The following ARIH2 variants were observed in gnomAD, a reference collection of about 807,000 sequenced individuals.
ARIH2 encodes E3 ubiquitin-protein ligase ARIH2.
A neutral mutation model predicts 79.8 loss-of-function variants in ARIH2; 12 were observed. The ratio of observed to expected loss-of-function variants is 0.15; its 90% CI spans 0.10 to 0.24. The LOEUF (loss-of-function observed/expected upper bound fraction) is 0.24. Among genes scored for constraint, ARIH2 ranks in the 10% least tolerant of loss-of-function variants. The pLI is 1.00. For missense variants in ARIH2, 301 were observed against 618.3 expected, an observed-to-expected ratio of 0.49 and a Z score of 5.44; for synonymous variants, 224 against 213.9, an observed-to-expected ratio of 1.05 and a Z score of -0.41.
intron 14 of ARIH2, among the ~76,000 whole-genome samples, chr3:48,982,459 C>T (rs2092784743): frequency 6.6e-6 from 1 of 152,100 alleles, no homozygotes; most frequent in Non-Finnish European, 1.5e-5. Context: ...GTGCATAAAG[C>T]TGTATATCTT....
chr3:48,933,331 G>A (rs894791355), intron 3 of ARIH2, among the ~76,000 whole-genome samples: 5 of 151,566 alleles, frequency 3.3e-5, no homozygotes, highest in African/African-American at 1.2e-4. Flanking sequence ...GTGTGTGTGT[G>A]TGTGTGTTTT....
Position 48,961,662 on chromosome 3 carries a change from T to A in ARIH2, c.306T>A (p.Val102=). Residue 102 remains valine, a synonymous_variant, in exon 4 of 16, where the codon GTT becomes GTA. Transcript: ENST00000356401. ...TATTAGTTAATTTCCACTGGCAAGTTTCAGAGATATTGGACAGGTAAGGTA... is the reference window on the plus strand; with the variant it reads ...TATTAGTTAATTTCCACTGGCAAGTATCAGAGATATTGGACAGGTAAGGTA... The part of the protein sequence containing the change: ...KLILVNFHWQ[V]SEILDRYKSN... 6.2e-7 allele frequency: 1 copy of A among 1,608,698 alleles called. No individual in the cohort carries two copies. The highest frequency in any genetic ancestry group is 8.5e-7 in the Non-Finnish European group (1 of 1,175,056).
chr3:48,925,153 G>T (rs896955631), intron 2 of ARIH2: 2 of 146,150 alleles, frequency 1.4e-5, no homozygotes, highest in African/African-American at 2.5e-5. Flanking sequence ...TCGCTCTGTC[G>T]CCCAGCCTGG....
At chr3:48,950,679 A>G (rs2107384113) in intron 3 of ARIH2, among the ~76,000 whole-genome samples, 1 of 152,332 alleles carries the variant, frequency 6.6e-6, no homozygotes, top group East Asian at 1.9e-4. Context: ...CATTTGAAAT[A>G]CAGTCAGTTT....
chr3:48,949,662 T>C (rs1315488733), intron 3 of ARIH2, among the ~76,000 whole-genome samples: 1 of 152,214 alleles, frequency 6.6e-6, no homozygotes, highest in South Asian at 2.1e-4. Flanking sequence ...CATACATTTA[T>C]TTTTTGTGGT....
intron 3 of ARIH2, among the ~76,000 whole-genome samples, chr3:48,933,995 C>G (rs1000169002): frequency 2.0e-5 from 3 of 152,182 alleles, no homozygotes; most frequent in Non-Finnish European, 2.9e-5. Flanking sequence ...CTAGAACACT[C>G]TATTCTGCCA....
rs537558236 is a variant in ARIH2, at chr3:48,945,684, GA to G, written c.256-15926del. ...CAATGACTAATTTAAACTTCTGATA[GA>G]AGACTTGCTTGAATGCGGTGGAGGG... On this transcript the variant is annotated intron_variant, in intron 3 of 15. Transcript: ENST00000356401. Among the ~76,000 whole-genome samples the G allele has an allele frequency of 2.8e-3, 433 of 152,262 alleles. 4 individuals carry two copies. The highest frequency in any genetic ancestry group is 9.9e-3 in the African/African-American group (411 of 41,544).
intron 3 of ARIH2, among the ~76,000 whole-genome samples, chr3:48,930,226 G>A (rs368178088): frequency 6.6e-6 from 1 of 152,206 alleles, no homozygotes; most frequent in East Asian, 1.9e-4. Context: ...GCTTGCTTAA[G>A]AGTAAAGGAG....
intron 3 of ARIH2, among the ~76,000 whole-genome samples, chr3:48,946,991 G>A (rs754464890): frequency 2.2e-4 from 33 of 152,172 alleles, no homozygotes; most frequent in Admixed American, 4.6e-4. Flanking sequence ...TCATACTAAG[G>A]GGCAGGCACA....
chr3:48,962,534 ACCT>A (rs954067173), intron 4 of ARIH2, among the ~76,000 whole-genome samples: 12 of 152,100 alleles, frequency 7.9e-5, no homozygotes, highest in East Asian at 1.9e-4. Context: ...GAAAAGGGGC[ACCT>A]CCTCCTCTGC....
chr3:48,958,942 G>A (rs1460159551), intron 3 of ARIH2, among the ~76,000 whole-genome samples: 1 of 151,652 alleles, frequency 6.6e-6, no homozygotes, highest in Non-Finnish European at 1.5e-5. Context: ...TTGAGCCCAG[G>A]AAGTGCAGAT....
At chr3:48,937,985 T>G (rs1397176664) in intron 3 of ARIH2, among the ~76,000 whole-genome samples, 1 of 146,006 alleles carries the variant, frequency 6.8e-6, no homozygotes, top group Non-Finnish European at 1.5e-5. Flanking sequence ...AGGCGGAGCT[T>G]GCAGTGAGCC....
At chr3:48,923,202 G>A (rs376163131) in intron 2 of ARIH2, among the ~76,000 whole-genome samples, 37 of 150,556 alleles carry the variant, frequency 2.5e-4, no homozygotes, top group Middle Eastern at 3.4e-3. Flanking sequence ...GCGAGACTCC[G>A]TCTCAAAAAA....
intron 11 of ARIH2, among the ~76,000 whole-genome samples, chr3:48,978,475 A>G (rs1235859777): frequency 1.5e-5 from 1 of 68,164 alleles, no homozygotes; most frequent in Non-Finnish European, 2.9e-5. Context: ...GTATATATAT[A>G]TATATATATT....
chr3:48,967,565 A>T lies in ARIH2; in HGVS notation c.538+290A>T, dbSNP rs182259594. Among the ~76,000 whole-genome samples the T allele has an allele frequency of 5.1e-4, 78 of 152,320 alleles. 2 individuals carry two copies. The highest frequency in any genetic ancestry group is 1.8e-3 in the African/African-American group (74 of 41,580). ...TTTAAGCTGCCTACCTTGATTCCAC[A>T]AGTGGCAGCCATAACTCAGAAATGC... On this transcript the variant is annotated intron_variant, in intron 6 of 15. Coordinates refer to ENST00000356401, the MANE Select transcript of ARIH2 (RefSeq NM_006321.4).
chr3:48,971,143 A>G (rs1366291562), intron 8 of ARIH2, among the ~76,000 whole-genome samples: 1 of 152,248 alleles, frequency 6.6e-6, no homozygotes, highest in African/African-American at 2.4e-5. Context: ...AGTAGATACC[A>G]TGGGAATAAC....
intron 8 of ARIH2, 27 bp from the exon 9 acceptor site, chr3:48,973,672 T>C: frequency 7.7e-6 from 12 of 1,557,936 alleles, no homozygotes; most frequent in Non-Finnish European, 1.1e-5. Context: ...AATGAATATT[T>C]GAATGTTTTT....
intron 3 of ARIH2, among the ~76,000 whole-genome samples, chr3:48,937,146 G>A (rs539211656): frequency 1.1e-3 from 168 of 152,368 alleles, no homozygotes; most frequent in Middle Eastern, 3.4e-3. Context: ...AAACAGAGCT[G>A]TTCTTATAAT....
Position 48,923,662 on chromosome 3 carries a change from C to T in ARIH2, c.-98+851C>T, listed in dbSNP as rs1296940710. On this transcript the variant is annotated intron_variant, in intron 2 of 15. Coordinates refer to ENST00000356401, the MANE Select transcript of ARIH2 (RefSeq NM_006321.4). ...TCAACCTCCTGAGTAGCTGGGATTA[C>T]AGGCATGTGCCACCACGCCCAGCTA... Among the ~76,000 whole-genome samples, 3 of 151,990 alleles carry T rather than the reference C, an allele frequency of 2.0e-5. No individual in the cohort carries two copies. In the East Asian group the frequency reaches 5.8e-4, roughly 30 times the overall value.
Sources: gnomAD v4.1 joint callset for allele counts (sites outside exome capture counted in the v4.1 genomes callset) on GRCh38, gnomAD v4.1.1 for gene constraint, MANE v1.5 for transcripts, NCBI Gene and HGNC (gene_info 2026-07-23, HGNC 2026-07-21) for gene names.